Variants in SLC44A5 observed in about 807,000 individuals in gnomAD.
SLC44A5 encodes the protein choline transporter-like protein 5.
In SLC44A5, 57 loss-of-function variants were observed where a neutral mutation model predicts 101.8. The observed-to-expected ratio is 0.56, with a 90% confidence interval of 0.45 to 0.70. The LOEUF is 0.70. SLC44A5 is among the 30% of genes least tolerant of loss of function. The pLI, the probability that SLC44A5 is intolerant of heterozygous loss-of-function variation, is 0.00. For synonymous variants in SLC44A5, 281 were observed against 290.9 expected (o/e 0.97, Z 0.35); for missense variants, 737 against 853.1 (o/e 0.86, Z 1.70).
chr1:75,497,519 G>C (rs1570452694), intron 2 of SLC44A5, among the ~76,000 whole-genome samples: 2 of 152,048 alleles, frequency 1.3e-5, no homozygotes, highest in East Asian at 1.9e-4. Flanking sequence ...AAATGGAACA[G>C]TGTGTCATTA....
In SLC44A5 at chr1:75,365,263, C is replaced by T. The variant is rs148745484; in HGVS notation, c.53-25633G>A. 7.2e-5 allele frequency among the ~76,000 whole-genome samples: 11 copies of T among 152,248 alleles called. No individual in the cohort carries two copies. The East Asian group carries it at 1.3e-3, about 19-fold the overall frequency. The stretch of plus-strand genomic sequence containing the variant: ...GGGTTGGCTGTACAGATTATTTCAT[C>T]GGCCAGGTGTTAAGCCTAGTATCCA... On this transcript the variant is annotated intron_variant, in intron 3 of 23. Coordinates refer to ENST00000370859, the MANE Select transcript of SLC44A5 (RefSeq NM_001130058.2).
At chr1:75,346,912 T>A (rs1164415084) in intron 3 of SLC44A5, among the ~76,000 whole-genome samples, 1 of 152,118 alleles carries the variant, frequency 6.6e-6, no homozygotes, top group Non-Finnish European at 1.5e-5. Flanking sequence ...CAATTAAAGA[T>A]GGAAAACGAA....
intron 2 of SLC44A5, among the ~76,000 whole-genome samples, chr1:75,445,107 G>A (rs1234387208): frequency 1.3e-5 from 2 of 152,154 alleles, no homozygotes; most frequent in African/African-American, 4.8e-5. Flanking sequence ...GCTGAAATGT[G>A]ATCCTCAATA....
Position 75,203,602 on chromosome 1 carries a change from A to C in SLC44A5, c.*125T>G. ...ATAAGCTTTGGTATAAAACATGCAA[A>C]TGCAAGCCAACAAGGTCGTGAATAC... On this transcript the variant is annotated 3_prime_UTR_variant, in exon 24 of 24. Transcript: ENST00000370859. The C allele has an allele frequency of 8.3e-7, 1 of 1,199,630 alleles. No individual in the cohort carries two copies. The highest frequency in any genetic ancestry group is 2.7e-5 in the East Asian group (1 of 36,464). 74.3% of individuals were successfully genotyped at this position (1,199,630 alleles called of 1,614,324 possible).
chr1:75,264,128 TAAAAAA>T (rs60140695), intron 6 of SLC44A5, among the ~76,000 whole-genome samples: 168 of 141,644 alleles, frequency 1.2e-3, no homozygotes, highest in African/African-American at 4.2e-3. Flanking sequence ...TTAAAGTATT[TAAAAAA>T]AAAAAAAAAA....
chr1:75,294,636 ATG>A (rs1309690315), intron 5 of SLC44A5, among the ~76,000 whole-genome samples: 1 of 151,978 alleles, frequency 6.6e-6, no homozygotes, highest in Non-Finnish European at 1.5e-5. Flanking sequence ...GTGCTTGTGT[ATG>A]TGTGTGTGTA....
At chr1:75,504,132 C>A (rs1228305589) in intron 2 of SLC44A5, among the ~76,000 whole-genome samples, 1 of 152,008 alleles carries the variant, frequency 6.6e-6, no homozygotes, top group Non-Finnish European at 1.5e-5. Flanking sequence ...TCGATACATG[C>A]TTGTGTGTCA....
At chr1:75,208,220 G>A (rs1488815208) in intron 23 of SLC44A5, among the ~76,000 whole-genome samples, 3 of 152,120 alleles carry the variant, frequency 2.0e-5, no homozygotes, top group African/African-American at 4.8e-5. Flanking sequence ...GTGCAGTGGC[G>A]TGATCTCAGC....
the SLC44A5 span, among the ~76,000 whole-genome samples, chr1:75,675,280 A>G: frequency 6.6e-6 from 1 of 152,028 alleles, no homozygotes; most frequent in Non-Finnish European, 1.5e-5. Flanking sequence ...GTCTTCTCTG[A>G]TTTCCTTTAG....
At chr1:75,322,375 C>T (rs1656228105) in intron 4 of SLC44A5, among the ~76,000 whole-genome samples, 1 of 150,836 alleles carries the variant, frequency 6.6e-6, no homozygotes, top group Admixed American at 6.6e-5. Flanking sequence ...CCAATACATC[C>T]TTATTATTTG....
At chr1:75,451,047 G>A (rs1388518322) in intron 2 of SLC44A5, among the ~76,000 whole-genome samples, 1 of 152,174 alleles carries the variant, frequency 6.6e-6, no homozygotes, top group African/African-American at 2.4e-5. Flanking sequence ...GGAAGTTGGA[G>A]CCAAGGAGGT....
In SLC44A5 at chr1:75,321,683, T is replaced by A. The variant is rs184532958; in HGVS notation, c.101+17899A>T. Among the ~76,000 whole-genome samples the A allele has an allele frequency of 2.7e-3, 404 of 152,342 alleles. 1 individual carries two copies. The highest frequency in any genetic ancestry group is 9.4e-3 in the African/African-American group (389 of 41,596). On this transcript the variant is annotated intron_variant, in intron 4 of 23. Coordinates refer to ENST00000370859, the MANE Select transcript of SLC44A5 (RefSeq NM_001130058.2). The stretch of plus-strand genomic sequence containing the variant: ...AAATATAATGAAGCAGATAAAATAT[T>A]CAACAATCCATTCATAGTGCCTGAT...
chr1:75,269,601 T>C (rs1651290423), intron 6 of SLC44A5, among the ~76,000 whole-genome samples: 1 of 152,128 alleles, frequency 6.6e-6, no homozygotes, highest in African/African-American at 2.4e-5. Context: ...AACATCCAAT[T>C]TTATTTTATT....
chr1:75,245,305 G>A (rs1570457584), intron 7 of SLC44A5, among the ~76,000 whole-genome samples: 1 of 152,056 alleles, frequency 6.6e-6, no homozygotes, highest in Non-Finnish European at 1.5e-5. Context: ...GGCTTCATAG[G>A]TATCTTTCTA....
Position 75,391,960 on chromosome 1 carries a change from C to T in SLC44A5, c.52+4623G>A, listed in dbSNP as rs1286069134. Among the ~76,000 whole-genome samples the T allele has an allele frequency of 3.3e-5, 5 of 152,188 alleles. No individual in the cohort carries two copies. The East Asian group carries it at 9.7e-4, about 29-fold the overall frequency. On this transcript the variant is annotated intron_variant, in intron 3 of 23. Transcript: ENST00000370859. ...CTTGAGTCTGGAAGTTTGAGACCAGCCTGGGCAACATAGTGAGACCCCCAT... is the reference window on the plus strand; with the variant it reads ...CTTGAGTCTGGAAGTTTGAGACCAGTCTGGGCAACATAGTGAGACCCCCAT...
intron 1 of SLC44A5, among the ~76,000 whole-genome samples, chr1:75,608,623 C>T (rs1675467160): frequency 6.6e-6 from 1 of 151,794 alleles, no homozygotes; most frequent in African/African-American, 2.4e-5. Context: ...TTTAGTCTTC[C>T]CTCATCTTTC....
At chr1:75,278,615 A>AATAGT (rs1652127576) in intron 5 of SLC44A5, among the ~76,000 whole-genome samples, 1 of 152,168 alleles carries the variant, frequency 6.6e-6, no homozygotes, top group Admixed American at 6.6e-5. Flanking sequence ...TTTATAATTA[A>AATAGT]ATAGTATGCA....
intron 5 of SLC44A5, among the ~76,000 whole-genome samples, chr1:75,284,427 T>C (rs1652875666): frequency 6.6e-6 from 1 of 152,146 alleles, no homozygotes; most frequent in African/African-American, 2.4e-5. Flanking sequence ...TTTAGGGTTT[T>C]CTAGGTAGAC....
At chr1:75,590,112 T>A (rs2102104418) in intron 1 of SLC44A5, among the ~76,000 whole-genome samples, 1 of 151,990 alleles carries the variant, frequency 6.6e-6, no homozygotes, top group South Asian at 2.1e-4. Context: ...AGTGCTGGCA[T>A]CACCCTTCCC....
Sources: gnomAD v4.1 joint callset for allele counts (sites outside exome capture counted in the v4.1 genomes callset) on GRCh38, gnomAD v4.1.1 for gene constraint, MANE v1.5 for transcripts, NCBI Gene and HGNC (gene_info 2026-07-23, HGNC 2026-07-21) for gene names.